Variants in CCDC102B observed in about 807,000 individuals in gnomAD.
The protein encoded by CCDC102B is coiled-coil domain containing 102B.
In CCDC102B, 75 loss-of-function variants were observed where a neutral mutation model predicts 57.4. The ratio of observed to expected loss-of-function variants is 1.31; its 90% confidence interval spans 1.08 to 1.58. The LOEUF (loss-of-function observed/expected upper bound fraction) is 1.58. Among genes scored for constraint, CCDC102B ranks in the 40% most tolerant of loss-of-function variants. The probability of loss-of-function intolerance (pLI) is 0.00; values close to 1 mark genes in which losing one functional copy is unlikely to be tolerated. For missense variants in CCDC102B, 636 were observed against 582.6 expected (o/e 1.09, Z -0.94); for synonymous variants, 206 against 201.9 (o/e 1.02, Z -0.17).
At chr18:68,927,376 A>C (rs938786888) in intron 6 of CCDC102B, among the ~76,000 whole-genome samples, 17 of 152,008 alleles carry the variant, frequency 1.1e-4, no homozygotes, top group Non-Finnish European at 2.1e-4. Context: ...ATGCAAGGGC[A>C]ATCTGGTAGA....
intron 2 of CCDC102B, chr18:68,721,394 C>T (rs1488897768): frequency 1.3e-5 from 2 of 152,160 alleles, no homozygotes; most frequent in African/African-American, 2.4e-5. Context: ...CCTTTACTGC[C>T]TCTACCAGGG....
intron 4 of CCDC102B, among the ~76,000 whole-genome samples, chr18:68,858,659 C>T (rs1437547403): frequency 6.6e-6 from 1 of 151,960 alleles, no homozygotes; most frequent in African/African-American, 2.4e-5. Flanking sequence ...TTGAGGTACG[C>T]CTCAGTTTTC....
At chr18:68,862,763 A>T (rs1232912958) in intron 4 of CCDC102B, among the ~76,000 whole-genome samples, 1 of 152,120 alleles carries the variant, frequency 6.6e-6, no homozygotes, top group African/African-American at 2.4e-5. Context: ...CTATAAATAG[A>T]GAGTGGGCAT....
chr18:68,738,993 C>CTTT (rs201214278), intron 2 of CCDC102B, among the ~76,000 whole-genome samples: 18 of 145,018 alleles, frequency 1.2e-4, no homozygotes, highest in South Asian at 4.5e-4. Context: ...GATGAGCAGC[C>CTTT]TTTTGTTTTT....
At chr18:69,020,337 T>C (rs1179349306) in intron 7 of CCDC102B, among the ~76,000 whole-genome samples, 2 of 152,152 alleles carry the variant, frequency 1.3e-5, no homozygotes, top group Non-Finnish European at 1.5e-5. Flanking sequence ...TAATCCATTG[T>C]CATCTTCATT....
intron 7 of CCDC102B, among the ~76,000 whole-genome samples, chr18:69,027,566 C>G (rs1239071451): frequency 6.6e-6 from 1 of 152,054 alleles, no homozygotes; most frequent in African/African-American, 2.4e-5. Flanking sequence ...AACATTTTTA[C>G]TTTAAAGCTC....
At chr18:68,872,970 A>G (rs1475117588) in intron 4 of CCDC102B, among the ~76,000 whole-genome samples, 1 of 152,118 alleles carries the variant, frequency 6.6e-6, no homozygotes, top group African/African-American at 2.4e-5. Context: ...TGACAATGGA[A>G]GGGTTTATTA....
At chr18:68,978,886 A>G (rs2050505372) in intron 6 of CCDC102B, among the ~76,000 whole-genome samples, 1 of 152,118 alleles carries the variant, frequency 6.6e-6, no homozygotes, top group South Asian at 2.1e-4. Context: ...TCTAGGATGG[A>G]AAGCTATAGA....
chr18:68,984,609 G>T (rs569662513), intron 6 of CCDC102B, among the ~76,000 whole-genome samples: 5 of 152,024 alleles, frequency 3.3e-5, no homozygotes, highest in Non-Finnish European at 5.9e-5. Flanking sequence ...CACAACAGGC[G>T]ACCTTTAGAA....
intron 2 of CCDC102B, chr18:68,717,923 G>C (rs567857974): frequency 2.0e-5 from 3 of 152,268 alleles, no homozygotes; most frequent in East Asian, 3.9e-4. Flanking sequence ...TCATGAGGTG[G>C]AATCCTCATG....
At chr18:68,863,412 T>C (rs1022570278) in intron 4 of CCDC102B, among the ~76,000 whole-genome samples, 2 of 151,968 alleles carry the variant, frequency 1.3e-5, no homozygotes, top group African/African-American at 4.8e-5. Context: ...TGTGTTTCCC[T>C]ATTAGGAAGC....
intron 2 of CCDC102B, among the ~76,000 whole-genome samples, chr18:68,760,091 G>T (rs1242752228): frequency 6.6e-6 from 1 of 151,974 alleles, no homozygotes; most frequent in Non-Finnish European, 1.5e-5. Flanking sequence ...GATCCCAAGT[G>T]CATTTCCTAA....
At chr18:69,028,175 C>T (rs948227251) in intron 7 of CCDC102B, among the ~76,000 whole-genome samples, 1 of 152,066 alleles carries the variant, frequency 6.6e-6, no homozygotes, top group South Asian at 2.1e-4. Context: ...AGGGAGAAAG[C>T]TGCTTGGAAT....
At chr18:68,893,710 C>A (rs1202324135) in intron 5 of CCDC102B, among the ~76,000 whole-genome samples, 2 of 152,056 alleles carry the variant, frequency 1.3e-5, no homozygotes, top group Non-Finnish European at 2.9e-5. Flanking sequence ...ATCTTTTCAA[C>A]AATATCAAGC....
chr18:68,991,627 A>G (rs1026409879), intron 6 of CCDC102B, among the ~76,000 whole-genome samples: 6 of 152,204 alleles, frequency 3.9e-5, no homozygotes, highest in African/African-American at 1.2e-4. Context: ...CTTTAACTTA[A>G]TATTTGCAAG....
At chr18:68,717,586 A>C (rs2032096447) in intron 2 of CCDC102B, among the ~76,000 whole-genome samples, 1 of 152,222 alleles carries the variant, frequency 6.6e-6, no homozygotes, top group Admixed American at 6.5e-5. Flanking sequence ...ATGATTTAAT[A>C]AACCAATAAA....
Position 68,729,767 on chromosome 18 carries a change from G to C in CCDC102B, c.-67+13173G>C, listed in dbSNP as rs2032773901. On this transcript the variant is annotated intron_variant, in intron 2 of 3. Transcript: ENST00000578970. Reference sequence around the variant, plus strand: ...AGAGGATTTCCTGAATACAAATGTTGCAAGTCAAAGGGAAAAGATTGGTTT... The same window carrying C: ...AGAGGATTTCCTGAATACAAATGTTCCAAGTCAAAGGGAAAAGATTGGTTT... 2.0e-5 allele frequency among the ~76,000 whole-genome samples: 3 copies of C among 152,116 alleles called. No individual in the cohort carries two copies. In the South Asian group the frequency reaches 6.2e-4, roughly 32 times the overall value.
At position 68,725,344 on chromosome 18, in the gene CCDC102B, G is replaced by T. The variant is rs1446541286; in HGVS notation, c.-67+8750G>T. ...AGCAACACGAATTTATTATGTCCCA[G>T]TTCAGTAGATTAGAAATCCAGTACA... is the stretch of plus-strand genomic sequence containing the variant. On this transcript the variant is annotated intron_variant, in intron 2 of 3. Transcript: ENST00000578970. Among the ~76,000 whole-genome samples, 4 of 152,166 alleles carry T rather than the reference G, an allele frequency of 2.6e-5. No homozygotes were observed. The South Asian group carries it at 8.3e-4, about 32-fold the overall frequency.
intron 4 of CCDC102B, among the ~76,000 whole-genome samples, chr18:68,846,775 C>T (rs2037886315): frequency 6.6e-6 from 1 of 151,678 alleles, no homozygotes. Flanking sequence ...CCATTCTAGG[C>T]ACATTAGAGG....
Sources: gnomAD v4.1 joint callset for allele counts (sites outside exome capture counted in the v4.1 genomes callset) on GRCh38, gnomAD v4.1.1 for gene constraint, MANE v1.5 for transcripts, NCBI Gene and HGNC (gene_info 2026-07-23, HGNC 2026-07-21) for gene names.